Variants in SETDB2 observed in about 807,000 individuals in gnomAD.
SETDB2 encodes the protein SET domain bifurcated histone lysine methyltransferase 2, also known as histone-lysine N-methyltransferase SETDB2.
Under a neutral mutation model 82.5 loss-of-function variants are expected in SETDB2, and 56 were observed. The observed-to-expected ratio is 0.68, with a 90% CI of 0.55 to 0.85. The LOEUF (loss-of-function observed/expected upper bound fraction) is 0.85, where lower values mean the gene tolerates loss of function less well. Among genes scored for constraint, SETDB2 ranks in the 40% least tolerant of loss-of-function variants. SETDB2 has a pLI of 0.00. For missense variants in SETDB2, 677 were observed against 816.4 expected (o/e 0.83, Z 2.08); for synonymous variants, 272 against 284.9 (o/e 0.95, Z 0.46).
intron 12 of SETDB2, among the ~76,000 whole-genome samples, chr13:49,490,327 C>T (rs1490708611): frequency 6.8e-6 from 1 of 147,810 alleles, no homozygotes; most frequent in African/African-American, 2.5e-5. Context: ...CATATTAATA[C>T]CCAGAGCTTC....
intron 8 of SETDB2, chr13:49,482,449 T>C (rs1012807524): frequency 1.5e-5 from 6 of 406,750 alleles, no homozygotes; most frequent in Non-Finnish European, 2.0e-5. Flanking sequence ...TCTAGAGTAC[T>C]TTCTCATCCA....
At chr13:49,485,517 A>G (rs1003823029) in intron 10 of SETDB2, 113 bp from the exon 11 acceptor site, 4 of 802,252 alleles carry the variant, frequency 5.0e-6, no homozygotes, top group Non-Finnish European at 8.1e-6. Flanking sequence ...AGGCTTTTCA[A>G]AACGAATCTA....
intron 4 of SETDB2, among the ~76,000 whole-genome samples, chr13:49,467,207 G>A (rs1380858131): frequency 6.6e-6 from 1 of 152,024 alleles, no homozygotes; most frequent in Non-Finnish European, 1.5e-5. Flanking sequence ...AGATCAGCCT[G>A]GCCAACATAA....
At chr13:49,461,237 G>C (rs1320949330) in intron 4 of SETDB2, 75 bp downstream of exon 4, 22 of 946,154 alleles carry the variant, frequency 2.3e-5, no homozygotes, top group Non-Finnish European at 3.2e-5. Context: ...GCTTTAATAT[G>C]TTGGGCTAAT....
At chr13:49,486,949 A>G (rs1481701399) in intron 11 of SETDB2, among the ~76,000 whole-genome samples, 2 of 152,180 alleles carry the variant, frequency 1.3e-5, no homozygotes, top group Non-Finnish European at 2.9e-5. Context: ...GTTCCTTGAT[A>G]GAAAAGGTCT....
At chr13:49,465,608 C>T (rs1164047733) in intron 4 of SETDB2, among the ~76,000 whole-genome samples, 1 of 151,876 alleles carries the variant, frequency 6.6e-6, no homozygotes, top group African/African-American at 2.4e-5. Context: ...ACGATCTTTG[C>T]TCACTACAAC....
chr13:49,447,961 A>C (rs951033724), intron 1 of SETDB2, among the ~76,000 whole-genome samples: 5 of 152,072 alleles, frequency 3.3e-5, no homozygotes, highest in African/African-American at 1.2e-4. Flanking sequence ...AAGTTTATGG[A>C]CCTAGTGTAC....
At chr13:49,459,446 T>A (rs146309659) in intron 2 of SETDB2, among the ~76,000 whole-genome samples, 36 of 152,330 alleles carry the variant, frequency 2.4e-4, no homozygotes, top group African/African-American at 8.7e-4. Context: ...ATTGTAACAT[T>A]GTATAAATAT....
At position 49,460,174 on chromosome 13, in the gene SETDB2, A is replaced by G. The variant is rs367767717; in HGVS notation, c.84A>G (p.Val28=). The G allele has an allele frequency of 3.3e-5, 53 of 1,613,486 alleles. No homozygotes were observed. Among genetic ancestry groups the G allele is most frequent in the Middle Eastern group, 1.7e-4 (1 of 6,058 alleles). The change falls in exon 3 of 14, where the codon GTA becomes GTG. Residue 28 remains valine (V), a synonymous_variant. Coordinates refer to ENST00000611815, the MANE Select transcript of SETDB2 (RefSeq NM_001160308.3). ...DGKVDFIFEQ[V]QNVLQSLKQK... ...AAGTGGACTTCATTTTTGAACAAGT[A>G]CAAAATGTGCTGCAGTCACTGAAAC...
chr13:49,486,315 T>A lies in SETDB2; in HGVS notation c.1576+592T>A, dbSNP rs1357839955. Reference sequence around the variant, plus strand: ...CAAGACCCTGTCTCAAAAAAAAAAATAAAATGTAAGTTTTATTGGAATACA... The same window carrying A: ...CAAGACCCTGTCTCAAAAAAAAAAAAAAAATGTAAGTTTTATTGGAATACA... On this transcript the variant is annotated intron_variant, in intron 11 of 13. Transcript: ENST00000611815. Among the ~76,000 whole-genome samples, 4 of 135,162 alleles carry A rather than the reference T, an allele frequency of 3.0e-5. No individual in the cohort carries two copies. The South Asian group carries it at 9.1e-4, about 31-fold the overall frequency. 88.7% of individuals were successfully genotyped at this position (135,162 alleles called of 152,430 possible).
chr13:49,492,509 TACAA>T lies in SETDB2; in HGVS notation c.*664_*667del, dbSNP rs1451282663. 2 of 152,348 alleles carry T rather than the reference TACAA, an allele frequency of 1.3e-5. No homozygotes were observed. Among genetic ancestry groups the T allele is most frequent in the Non-Finnish European group, 2.9e-5 (2 of 68,180 alleles). 9.4% of individuals were successfully genotyped at this position (152,348 alleles called of 1,614,324 possible). A position where few individuals can be genotyped will look rare whatever the true frequency, so the allele number is the denominator to read the frequency against. On this transcript the variant is annotated 3_prime_UTR_variant, in exon 14 of 14. Transcript: ENST00000611815. ...CCACAGATTTTCTCTACTCTTTCTA[TACAA>T]ACAGATAGGAGAAGAGGGAATAGAA...
chr13:49,490,279 CAAAAAAAA>C (rs60013535), intron 12 of SETDB2, among the ~76,000 whole-genome samples: 2 of 83,180 alleles, frequency 2.4e-5, no homozygotes, highest in Admixed American at 1.6e-4. Context: ...GACTCCGTCT[CAAAAAAAA>C]AAAAAAAAAA....
chr13:49,481,394 G>T (rs1958474117), intron 8 of SETDB2, among the ~76,000 whole-genome samples: 1 of 152,040 alleles, frequency 6.6e-6, no homozygotes. Flanking sequence ...TGTCTGCATG[G>T]CTACAGGTAC....
chr13:49,446,840 T>G (rs573847150), intron 1 of SETDB2, among the ~76,000 whole-genome samples: 10 of 152,188 alleles, frequency 6.6e-5, no homozygotes, highest in Non-Finnish European at 1.3e-4. Context: ...GGAAAATCTT[T>G]GTGTTTTCTT....
chr13:49,494,310 C>T lies in SETDB2; in HGVS notation c.*2461C>T, dbSNP rs950903750. 11 of 152,136 alleles carry T rather than the reference C, an allele frequency of 7.2e-5. No individual in the cohort carries two copies. Among genetic ancestry groups the T allele is most frequent in the Admixed American group, 2.0e-4 (3 of 15,270 alleles). 9.4% of individuals were successfully genotyped at this position (152,136 alleles called of 1,614,324 possible). ...GTGTTTATGTATGTATATGCACACA[C>T]GTATACATACACATACAGGCATGCA... On this transcript the variant is annotated 3_prime_UTR_variant, in exon 14 of 14. Transcript: ENST00000611815.
chr13:49,491,039 G>A, intron 13 of SETDB2, 129 bp downstream of exon 13: 1 of 617,810 alleles, frequency 1.6e-6, no homozygotes, highest in Non-Finnish European at 2.7e-6. Flanking sequence ...GACTGCTTGA[G>A]CTCAGGAGTT....
chr13:49,461,278 C>A, intron 4 of SETDB2, 116 bp downstream of exon 4: 1 of 684,254 alleles, frequency 1.5e-6, no homozygotes, highest in Non-Finnish European at 2.4e-6. Context: ...ATCTAACATC[C>A]ACATTTCTAA....
chr13:49,468,315 G>A (rs1029309296), intron 5 of SETDB2, among the ~76,000 whole-genome samples: 2 of 152,088 alleles, frequency 1.3e-5, no homozygotes, highest in Non-Finnish European at 2.9e-5. Flanking sequence ...TTCAGTATCA[G>A]TTGAGTTTTC....
At chr13:49,482,393 A>G (rs934482963) in intron 8 of SETDB2, 1 of 853,368 alleles carries the variant, frequency 1.2e-6, no homozygotes, top group African/African-American at 1.8e-5. Context: ...CTTTTTAACT[A>G]GACATAAAAG....
Sources: gnomAD v4.1 joint callset for allele counts (sites outside exome capture counted in the v4.1 genomes callset) on GRCh38, gnomAD v4.1.1 for gene constraint, MANE v1.5 for transcripts, NCBI Gene and HGNC (gene_info 2026-07-23, HGNC 2026-07-21) for gene names.